The following EPHA1 variants were observed in gnomAD, a reference collection of about 807,000 sequenced individuals.
EPHA1 encodes the protein EPH receptor A1.
EPHA1 carries 92 observed loss-of-function variants against 110.1 expected under a neutral mutation model. The ratio of observed to expected loss-of-function variants is 0.84; its 90% CI spans 0.71 to 0.99. EPHA1 has a LOEUF of 0.99. EPHA1 is among the 50% of genes least tolerant of loss of function. The pLI, the probability that EPHA1 is intolerant of heterozygous loss-of-function variation, is 0.00. For synonymous variants in EPHA1, 500 were observed against 516.1 expected, an observed-to-expected ratio of 0.97 and a Z score of 0.42; for missense variants, 1,204 against 1,285.4, an observed-to-expected ratio of 0.94 and a Z score of 0.97.
In EPHA1 at chr7:143,391,432, A is replaced by T; in HGVS notation, c.*25T>A. 2 of 1,613,560 alleles carry T rather than the reference A, an allele frequency of 1.2e-6. No individual in the cohort carries two copies. The highest frequency in any genetic ancestry group is 1.7e-6 in the Non-Finnish European group (2 of 1,179,738). ...CCCCGTCCTTGCTCCTTGCACCCTGATTGGGCATGGGGTGAGAGGAGGGAT... is the reference window on the plus strand; with the variant it reads ...CCCCGTCCTTGCTCCTTGCACCCTGTTTGGGCATGGGGTGAGAGGAGGGAT... On this transcript the variant is annotated 3_prime_UTR_variant, in exon 18 of 18. Coordinates refer to ENST00000275815, the MANE Select transcript of EPHA1 (RefSeq NM_005232.5).
In EPHA1 at chr7:143,396,427, G is replaced by A; in HGVS notation, c.1855C>T (p.Leu619Phe). 3.7e-6 allele frequency: 6 copies of A among 1,613,724 alleles called. No homozygotes were observed. The highest frequency in any genetic ancestry group is 3.4e-6 in the Non-Finnish European group (4 of 1,179,926). Residue 619 changes from leucine to phenylalanine, a missense_variant, in exon 11 of 18, where the codon CTT becomes TTT. Physicochemically the swap from Leu to Phe is conservative, Grantham distance 22. Transcript: ENST00000275815. Reference protein sequence around the residue: ...AQGALDFTRELDPAWLMVDTV... With the variant: ...AQGALDFTREFDPAWLMVDTV... Reference sequence around the variant, plus strand: ...TCCACCATCAGCCACGCTGGATCAAGCTCCCGGGTAAAGTCCAGGGCTCCC... The same window carrying A: ...TCCACCATCAGCCACGCTGGATCAAACTCCCGGGTAAAGTCCAGGGCTCCC...
At position 143,393,746 on chromosome 7, in the gene EPHA1, T is replaced by C. The variant is rs1248159907; in HGVS notation, c.2621A>G (p.Gln874Arg). 1.2e-6 allele frequency: 2 copies of C among 1,613,810 alleles called. No homozygotes were observed. Among genetic ancestry groups the C allele is most frequent in the East Asian group, 2.2e-5 (1 of 44,868 alleles). ...AYDRARRPHFQKLQAHLEQLL... is the reference protein window; with the variant it reads ...AYDRARRPHFRKLQAHLEQLL... ...TTGCTCCAGATGTGCCTGAAGCTTC[T>C]GGAAGTGTGGCCGGCGGGCACGGTC... The change falls in exon 16 of 18, where the codon CAG (glutamine) becomes CGG (arginine). Residue 874 changes from glutamine (Q) to arginine (R), a missense_variant. Gln to Arg is a conservative substitution (Grantham distance 43, BLOSUM62 1). Coordinates refer to ENST00000275815, the MANE Select transcript of EPHA1 (RefSeq NM_005232.5). This position sits in a 1 kb window ranked among gnomAD's most constrained non-coding sequence, Gnocchi z 5.6.
chr7:143,399,076 G>A (rs1307489275), intron 5 of EPHA1, 131 bp from the exon 6 acceptor site: 2 of 1,220,172 alleles, frequency 1.6e-6, no homozygotes, highest in African/African-American at 3.0e-5. Flanking sequence ...TTTCTACTGG[G>A]TTTGACTACA....
Position 143,393,950 on chromosome 7 carries a change from A to T in EPHA1, c.2503-86T>A. ...ACCGACGGTCACACAAGATAATTGC[A>T]GTGGAGATCCTAGGATGGGAGGAGG... is the stretch of plus-strand genomic sequence containing the variant. On this transcript the variant is annotated intron_variant, in intron 15 of 17. Transcript: ENST00000275815. The surrounding 1 kb of genome is among the most constrained non-coding windows in gnomAD (Gnocchi z 5.6). The T allele has an allele frequency of 6.9e-7, 1 of 1,442,916 alleles. No homozygotes were observed. The highest frequency in any genetic ancestry group is 9.3e-7 in the Non-Finnish European group (1 of 1,074,638). The allele number at this position is 1,442,916 out of a possible 1,614,324, so 89.4% of individuals were successfully genotyped here.
In EPHA1 at chr7:143,396,459, G is replaced by A; in HGVS notation, c.1823C>T (p.Pro608Leu). The A allele has an allele frequency of 1.2e-6, 2 of 1,614,032 alleles. No individual in the cohort carries two copies. The highest frequency in any genetic ancestry group is 8.5e-7 in the Non-Finnish European group (1 of 1,179,978). Residue 608 changes from proline (P) to leucine (L), a missense_variant, in exon 11 of 18, where the codon CCT (proline) becomes CTT (leucine). Physicochemically the swap from Pro to Leu is moderately conservative, Grantham distance 98 (BLOSUM62 -3). Transcript: ENST00000275815. ...GGTAAAGTCCAGGGCTCCCTGTGCA[G>A]GGTCCTCGTATGCCTGGAGGTCCAC... ...PYVDLQAYEDPAQGALDFTRE... is the reference protein window; with the variant it reads ...PYVDLQAYEDLAQGALDFTRE...
intron 4 of EPHA1, 79 bp from the exon 5 acceptor site, chr7:143,399,492 A>G (rs1041074191): frequency 6.5e-7 from 1 of 1,543,928 alleles, no homozygotes; most frequent in Non-Finnish European, 8.7e-7. Flanking sequence ...TCCTGCCCCA[A>G]TCCCTTCTAC....
chr7:143,400,099 C>T (rs924653810), intron 3 of EPHA1, 46 bp from the exon 4 acceptor site: 1 of 1,537,704 alleles, frequency 6.5e-7, no homozygotes, highest in Non-Finnish European at 8.8e-7. Flanking sequence ...CAAAGTCCTG[C>T]TTCTTTCCCA....
At chr7:143,407,949 C>T (rs1805601488) in intron 1 of EPHA1, 1 of 273,492 alleles carries the variant, frequency 3.7e-6, no homozygotes, top group East Asian at 6.7e-5. Flanking sequence ...GCAAGAAGAG[C>T]AGCCCCACGA....
rs201508170 is a variant in EPHA1 at position 143,397,541 on chromosome 7, G to C, written c.1712+20C>G. 4.7e-5 allele frequency: 73 copies of C among 1,562,884 alleles called. No individual in the cohort carries two copies. Among genetic ancestry groups the C allele is most frequent in the Non-Finnish European group, 6.2e-5 (71 of 1,136,462 alleles). On this transcript the variant is annotated intron_variant, in intron 9 of 17. Transcript: ENST00000275815. ...TTCTGACCCAGGGCTGGTGGTTGGG[G>C]AGGGGGCAGGAGCTGGCACCTGGAC... is the stretch of plus-strand genomic sequence containing the variant.
At chr7:143,407,962 C>G (rs1805602075) in intron 1 of EPHA1, 1 of 245,718 alleles carries the variant, frequency 4.1e-6, no homozygotes, top group Non-Finnish European at 7.8e-6. Flanking sequence ...CCCCACGAGA[C>G]GCTCAGTTAC....
Position 143,395,482 on chromosome 7 carries a change from T to C in EPHA1, c.1920A>G (p.Arg640=), listed in dbSNP as rs1237063881. The C allele has an allele frequency of 1.9e-6, 3 of 1,614,150 alleles. No individual in the cohort carries two copies. Among genetic ancestry groups the C allele is most frequent in the African/African-American group, 2.7e-5 (2 of 75,034 alleles). ...CCTGGCTGGGGAGCCTCAGGGTCCC[T>C]CGATACACTTCCCCAAACTCTCCTG... The part of the protein sequence containing the change: ...IGEGEFGEVY[R]GTLRLPSQDC... The change falls in exon 12 of 18, where the codon CGA becomes CGG. Residue 640 remains arginine (R), a synonymous_variant. Coordinates refer to ENST00000275815, the MANE Select transcript of EPHA1 (RefSeq NM_005232.5). This position sits in a 1 kb window ranked among gnomAD's most constrained non-coding sequence, Gnocchi z 4.7.
chr7:143,397,531 G>A (rs761841029), intron 9 of EPHA1, 30 bp downstream of exon 9: 1 of 1,612,220 alleles, frequency 6.2e-7, no homozygotes, highest in Non-Finnish European at 8.5e-7. Context: ...ACCCAGGGCT[G>A]GTGGTTGGGG....
Position 143,391,596 on chromosome 7 carries a change from G to A in EPHA1, c.2852+24C>T, listed in dbSNP as rs1322537009. On this transcript the variant is annotated intron_variant, in intron 17 of 17. Coordinates refer to ENST00000275815, the MANE Select transcript of EPHA1 (RefSeq NM_005232.5). Reference sequence around the variant, plus strand: ...GGCTCCACCCCCGCAGCCCTCCCCTGCCCAGACAGCTCCAGCTCCTTACTC... The same window carrying A: ...GGCTCCACCCCCGCAGCCCTCCCCTACCCAGACAGCTCCAGCTCCTTACTC... The A allele has an allele frequency of 6.2e-6, 10 of 1,614,026 alleles. No individual in the cohort carries two copies. In the East Asian group the frequency reaches 2.2e-4, roughly 36 times the overall value.
chr7:143,408,424 G>A (rs1805615826), intron 1 of EPHA1, among the ~76,000 whole-genome samples: 1 of 152,120 alleles, frequency 6.6e-6, no homozygotes, highest in Non-Finnish European at 1.5e-5. Flanking sequence ...AATGCAGGCA[G>A]GGGTGCGGGT....
chr7:143,405,419 CTGCGTGTGCATGTG>C (rs936022601), intron 2 of EPHA1, among the ~76,000 whole-genome samples: 1 of 141,594 alleles, frequency 7.1e-6, no homozygotes, highest in African/African-American at 2.6e-5. Flanking sequence ...ACCTGAATGC[CTGCGTGTGCATGTG>C]TGCGTGTGTG....
chr7:143,407,537 C>G, intron 2 of EPHA1, 74 bp downstream of exon 2: 1 of 1,471,822 alleles, frequency 6.8e-7, no homozygotes. Context: ...CTCTGTTCCT[C>G]CACCCACCTC....
intron 14 of EPHA1, 88 bp from the exon 15 acceptor site, chr7:143,394,431 A>G: frequency 7.0e-7 from 1 of 1,421,574 alleles, no homozygotes; most frequent in Non-Finnish European, 9.3e-7. Flanking sequence ...TTTTTATTTT[A>G]TTTTTTTTGA....
At position 143,399,301 on chromosome 7, in the gene EPHA1, G is replaced by A; in HGVS notation, c.948C>T (p.Gly316=). Residue 316 remains glycine (G), a synonymous_variant, in exon 5 of 18, where the codon GGC becomes GGT. Coordinates refer to ENST00000275815, the MANE Select transcript of EPHA1 (RefSeq NM_005232.5). ...GGCCCTCCCCGGGAGCTCTGTAATG[G>A]CCGCTCTCACAGGTACAGATGGTGG... The part of the protein sequence containing the change: ...EGATICTCES[G]HYRAPGEGPQ... 1 of 1,612,198 alleles carries A rather than the reference G, an allele frequency of 6.2e-7. No homozygotes were observed. The highest frequency in any genetic ancestry group is 1.1e-5 in the South Asian group (1 of 90,972).
chr7:143,402,063 G>A (rs1805435209), intron 2 of EPHA1, among the ~76,000 whole-genome samples: 1 of 151,418 alleles, frequency 6.6e-6, no homozygotes, highest in Non-Finnish European at 1.5e-5. Flanking sequence ...GACTACAGGT[G>A]CCTGCCAACA....
Sources: allele counts gnomAD v4.1 joint callset (sites outside exome capture counted in the v4.1 genomes callset), GRCh38; gene constraint gnomAD v4.1.1; non-coding constraint Gnocchi (gnomAD v3.1); transcripts MANE v1.5; gene names NCBI Gene and HGNC (gene_info 2026-07-23, HGNC 2026-07-21).